Variants in FILIP1L observed in about 807,000 individuals in gnomAD.
FILIP1L encodes the protein filamin A interacting protein 1 like.
Under a neutral mutation model 96.6 loss-of-function variants are expected in FILIP1L, and 55 were observed. That is an observed-to-expected ratio of 0.57 (90% CI 0.46 to 0.71). The LOEUF is 0.71. Among genes scored for constraint, FILIP1L ranks in the 30% least tolerant of loss-of-function variants. The pLI, the probability that FILIP1L is intolerant of heterozygous loss-of-function variation, is 0.00. For missense variants in FILIP1L, 1,304 were observed against 1,321.2 expected (o/e 0.99, Z 0.20); for synonymous variants, 467 against 473.9 (o/e 0.99, Z 0.19).
intron 1 of FILIP1L, among the ~76,000 whole-genome samples, chr3:100,006,823 A>G (rs187079428): frequency 1.3e-5 from 2 of 152,330 alleles, no homozygotes; most frequent in East Asian, 1.9e-4. Context: ...AGCATTCTTG[A>G]TGGGTAGAAC....
chr3:100,018,878 A>G (rs189323706), intron 1 of FILIP1L, among the ~76,000 whole-genome samples: 1 of 152,328 alleles, frequency 6.6e-6, no homozygotes, highest in East Asian at 1.9e-4. Context: ...CTCATTAAAA[A>G]ATTGTCAAAG....
intron 1 of FILIP1L, among the ~76,000 whole-genome samples, chr3:100,067,584 T>A (rs919851310): frequency 6.6e-6 from 1 of 152,216 alleles, no homozygotes; most frequent in Admixed American, 6.5e-5. Flanking sequence ...CAGGTTTATT[T>A]AATGTAAATA....
chr3:100,038,866 A>G (rs2065154649), intron 1 of FILIP1L, among the ~76,000 whole-genome samples: 1 of 152,190 alleles, frequency 6.6e-6, no homozygotes, highest in Non-Finnish European at 1.5e-5. Context: ...GGCACAGTAC[A>G]GAACATATTG....
chr3:99,939,066 T>C (rs1230074932), intron 1 of FILIP1L, among the ~76,000 whole-genome samples: 1 of 152,204 alleles, frequency 6.6e-6, no homozygotes, highest in African/African-American at 2.4e-5. Flanking sequence ...AGACAAGGGA[T>C]TGGAAAGTGG....
At chr3:99,873,564 A>C (rs968245285) in intron 4 of FILIP1L, among the ~76,000 whole-genome samples, 6 of 152,196 alleles carry the variant, frequency 3.9e-5, no homozygotes, top group African/African-American at 1.4e-4. Flanking sequence ...CTAGACATGG[A>C]CAGAACATGA....
intron 1 of FILIP1L, among the ~76,000 whole-genome samples, chr3:99,985,867 G>A (rs1415766659): frequency 1.3e-5 from 2 of 152,152 alleles, no homozygotes; most frequent in Non-Finnish European, 2.9e-5. Context: ...GGGATTACAG[G>A]CGTGAGCCAC....
At chr3:99,974,196 A>T (rs1708902221) in intron 1 of FILIP1L, among the ~76,000 whole-genome samples, 1 of 152,230 alleles carries the variant, frequency 6.6e-6, no homozygotes, top group Non-Finnish European at 1.5e-5. Context: ...CATGGAGAGG[A>T]CAATTTATCA....
rs543139016 is a variant in FILIP1L, at chr3:100,063,898, A to C, written c.-11+50155T>G. Reference sequence around the variant, plus strand: ...TGAAGTATAGAGAAAAACCTAATCAAATGTTAAAATCTCTCCACATGTTTA... The same window carrying C: ...TGAAGTATAGAGAAAAACCTAATCACATGTTAAAATCTCTCCACATGTTTA... On this transcript the variant is annotated intron_variant, in intron 1 of 5. Coordinates refer to ENST00000477258, the MANE Select transcript of FILIP1L (RefSeq NM_001387850.1). Among the ~76,000 whole-genome samples, 7 of 152,314 alleles carry C rather than the reference A, an allele frequency of 4.6e-5. No individual in the cohort carries two copies. In the East Asian group the frequency reaches 1.3e-3, roughly 29 times the overall value.
chr3:100,112,146 A>G (rs1039514947), intron 1 of FILIP1L, among the ~76,000 whole-genome samples: 1 of 152,234 alleles, frequency 6.6e-6, no homozygotes, highest in Non-Finnish European at 1.5e-5. Flanking sequence ...CTTACTGTGT[A>G]TTGCTGGTAG....
chr3:99,880,198 A>G (rs530137602), intron 4 of FILIP1L, among the ~76,000 whole-genome samples: 3 of 152,102 alleles, frequency 2.0e-5, no homozygotes, highest in Non-Finnish European at 4.4e-5. Flanking sequence ...GCCCTAGACA[A>G]TCATTTTTCT....
chr3:99,848,281 T>C lies in FILIP1L; in HGVS notation c.3381+14A>G. 6.2e-7 allele frequency: 1 copy of C among 1,613,806 alleles called. No individual in the cohort carries two copies. The highest frequency in any genetic ancestry group is 1.3e-5 in the African/African-American group (1 of 75,050). ...GGATGAGGGTGAGCGTGGTCAGTTA[T>C]ATATATTACTTACTGTAATTTGTGA... is the stretch of plus-strand genomic sequence containing the variant. On this transcript the variant is annotated intron_variant, in intron 5 of 5. Transcript: ENST00000477258.
intron 1 of FILIP1L, among the ~76,000 whole-genome samples, chr3:100,048,112 G>A (rs774132714): frequency 6.6e-6 from 1 of 152,228 alleles, no homozygotes; most frequent in East Asian, 1.9e-4. Context: ...ACTTGTGCTT[G>A]CATTGTCTTC....
At chr3:100,093,560 A>G (rs1478417864) in intron 1 of FILIP1L, among the ~76,000 whole-genome samples, 1 of 152,180 alleles carries the variant, frequency 6.6e-6, no homozygotes, top group East Asian at 1.9e-4. Context: ...ATACACTTCA[A>G]CCAGTTTCCT....
chr3:100,050,929 T>A (rs1935067261), intron 1 of FILIP1L, among the ~76,000 whole-genome samples: 1 of 152,192 alleles, frequency 6.6e-6, no homozygotes, highest in Non-Finnish European at 1.5e-5. Flanking sequence ...GGAAGAGTCT[T>A]CAAGAATTTG....
At position 99,848,459 on chromosome 3, in the gene FILIP1L, C is replaced by G; in HGVS notation, c.3217G>C (p.Ala1073Pro). The change falls in exon 5 of 6, where the codon GCT becomes CCT. Residue 1073 changes from alanine (A) to proline (P), a missense_variant. Transcript: ENST00000477258. Reference sequence around the variant, plus strand: ...GCAGGTCTCACAGGGCTGGCTACAGCTTGCATGTAAGGACTTCCTAAGTGA... The same window carrying G: ...GCAGGTCTCACAGGGCTGGCTACAGGTTGCATGTAAGGACTTCCTAAGTGA... Reference protein sequence around the residue: ...HIHLGSPYMQAVASPVRPASP... With the variant: ...HIHLGSPYMQPVASPVRPASP... The G allele has an allele frequency of 6.2e-7, 1 of 1,614,176 alleles. No homozygotes were observed. The highest frequency in any genetic ancestry group is 1.1e-5 in the South Asian group (1 of 91,076).
At position 100,082,382 on chromosome 3, in the gene FILIP1L, G is replaced by C. The variant is rs16841922; in HGVS notation, c.-11+31671C>G. Among the ~76,000 whole-genome samples the C allele has an allele frequency of 6.5e-3, 986 of 152,316 alleles. 11 individuals carry two copies. Among genetic ancestry groups the C allele is most frequent in the African/African-American group, 0.022 (930 of 41,572 alleles). The stretch of plus-strand genomic sequence containing the variant: ...GAACTCCTCTGTACTGCTGGGGAGA[G>C]AGGTCAAAATTTTTTGTCATCACAG... On this transcript the variant is annotated intron_variant, in intron 1 of 5. Coordinates refer to ENST00000477258, the MANE Select transcript of FILIP1L (RefSeq NM_001387850.1).
At chr3:99,871,170 C>G (rs956429199) in intron 4 of FILIP1L, among the ~76,000 whole-genome samples, 4 of 152,186 alleles carry the variant, frequency 2.6e-5, no homozygotes, top group African/African-American at 9.7e-5. Flanking sequence ...AAGTTCACTG[C>G]CTTGACTTAA....
At chr3:100,034,688 G>A (rs547379326) in intron 1 of FILIP1L, among the ~76,000 whole-genome samples, 37 of 152,232 alleles carry the variant, frequency 2.4e-4, no homozygotes, top group Admixed American at 9.2e-4. Context: ...TTATGATGGG[G>A]AACCCTCAGA....
chr3:99,833,836 G>T (rs1338395199), intron 5 of FILIP1L, among the ~76,000 whole-genome samples: 1 of 152,242 alleles, frequency 6.6e-6, no homozygotes, highest in Non-Finnish European at 1.5e-5. Context: ...CTCCCTTGGG[G>T]ACTTAGCTGT....
Sources: gnomAD v4.1 joint callset for allele counts (sites outside exome capture counted in the v4.1 genomes callset) on GRCh38, gnomAD v4.1.1 for gene constraint, MANE v1.5 for transcripts, NCBI Gene and HGNC (gene_info 2026-07-23, HGNC 2026-07-21) for gene names.